AKAP6: variants seen among roughly 807,000 people sequenced by gnomAD.
AKAP6 encodes the protein A-kinase anchor protein 6.
In AKAP6, 58 loss-of-function variants were observed where a neutral mutation model predicts 188.5. The ratio of observed to expected loss-of-function variants is 0.31; its 90% CI spans 0.25 to 0.38. The LOEUF is 0.38. Ranked by LOEUF, AKAP6 falls within the 10% of genes least tolerant of loss-of-function variation. AKAP6 has a pLI of 1.00. For missense variants in AKAP6, 2,710 were observed against 2,740.0 expected, an observed-to-expected ratio of 0.99 and a Z score of 0.24; for synonymous variants, 989 against 998.6, an observed-to-expected ratio of 0.99 and a Z score of 0.18.
chr14:32,406,419 A>AGG (rs1379418497), intron 1 of AKAP6, among the ~76,000 whole-genome samples: 1 of 152,140 alleles, frequency 6.6e-6, no homozygotes, highest in African/African-American at 2.4e-5. Flanking sequence ...TATGTTGGCC[A>AGG]GGCTGGTCTT....
At chr14:32,712,918 C>A (rs2029975397) in intron 9 of AKAP6, among the ~76,000 whole-genome samples, 1 of 151,988 alleles carries the variant, frequency 6.6e-6, no homozygotes. Flanking sequence ...AATGGTGAAG[C>A]CTTTTCAGAA....
chr14:32,591,966 T>C (rs563636574), intron 5 of AKAP6, among the ~76,000 whole-genome samples: 1 of 152,338 alleles, frequency 6.6e-6, no homozygotes, highest in South Asian at 2.1e-4. Context: ...TACATGGCAA[T>C]TACGCTGGGA....
At chr14:32,682,995 C>G (rs78725474) in intron 8 of AKAP6, among the ~76,000 whole-genome samples, 2 of 142,250 alleles carry the variant, frequency 1.4e-5, no homozygotes, top group Non-Finnish European at 1.5e-5. Flanking sequence ...TTTTTTCTTC[C>G]TTTTTTTTTT....
intron 7 of AKAP6, among the ~76,000 whole-genome samples, chr14:32,670,428 C>T (rs1889132455): frequency 6.6e-6 from 1 of 151,936 alleles, no homozygotes; most frequent in Non-Finnish European, 1.5e-5. Flanking sequence ...GGACTAGTTG[C>T]TAAAGGGGAT....
intron 2 of AKAP6, among the ~76,000 whole-genome samples, chr14:32,449,592 A>G (rs1566508929): frequency 6.6e-6 from 1 of 152,004 alleles, no homozygotes; most frequent in African/African-American, 2.4e-5. Flanking sequence ...TTGATGGAGA[A>G]GACAGCTCTG....
intron 12 of AKAP6, among the ~76,000 whole-genome samples, chr14:32,798,477 G>T (rs1172695826): frequency 6.6e-6 from 1 of 152,092 alleles, no homozygotes; most frequent in Admixed American, 6.6e-5. Flanking sequence ...CAACCTGAAT[G>T]CCCATCAACA....
intron 12 of AKAP6, among the ~76,000 whole-genome samples, chr14:32,791,680 C>T (rs928529944): frequency 6.6e-6 from 1 of 151,920 alleles, no homozygotes; most frequent in African/African-American, 2.4e-5. Context: ...GTGTTTTAGT[C>T]AGGAAGTCTT....
Position 32,501,835 on chromosome 14 carries a change from C to G in AKAP6, c.325-33719C>G, listed in dbSNP as rs191279035. 3.9e-5 allele frequency among the ~76,000 whole-genome samples: 6 copies of G among 152,222 alleles called. No individual in the cohort carries two copies. In the East Asian group the frequency reaches 9.6e-4, roughly 24 times the overall value. ...TCTGTGCATGTAGATGCAGCTCTTG[C>G]AGTAAACCTATGTCTTCAATATTTT... On this transcript the variant is annotated intron_variant, in intron 2 of 13. Transcript: ENST00000280979.
At chr14:32,817,856 A>C (rs2034427190) in intron 12 of AKAP6, among the ~76,000 whole-genome samples, 2 of 152,202 alleles carry the variant, frequency 1.3e-5, no homozygotes. Flanking sequence ...CATCAAAGAG[A>C]GCATTCAACC....
chr14:32,689,994 A>G lies in AKAP6; in HGVS notation c.2880-5996A>G, dbSNP rs1028172376. ...TCCCAATATAGACAGGTGGTATTTC[A>G]GGAACCAGTCTGGTGTTTTTAGATG... On this transcript the variant is annotated intron_variant, in intron 8 of 13. Transcript: ENST00000280979. Among the ~76,000 whole-genome samples the G allele has an allele frequency of 2.0e-5, 3 of 151,616 alleles. No individual in the cohort carries two copies. In the South Asian group the frequency reaches 6.3e-4, roughly 32 times the overall value.
At chr14:32,525,039 C>G (rs1163305103) in intron 2 of AKAP6, among the ~76,000 whole-genome samples, 1 of 152,142 alleles carries the variant, frequency 6.6e-6, no homozygotes, top group East Asian at 1.9e-4. Context: ...ATGAAGATGT[C>G]TTGGGGAAGG....
Position 32,830,269 on chromosome 14 carries a change from G to A in AKAP6, c.*464G>A. On this transcript the variant is annotated 3_prime_UTR_variant, in exon 14 of 14. Coordinates refer to ENST00000280979, the MANE Select transcript of AKAP6 (RefSeq NM_004274.5). ...CTGGATTTTTTTTTAACGGTATAAT[G>A]ACTGTGTTTATTGAAAGAGTTTTAC... 1 of 287,648 alleles carries A rather than the reference G, an allele frequency of 3.5e-6. No individual in the cohort carries two copies. 17.8% of individuals were successfully genotyped at this position (287,648 alleles called of 1,614,324 possible). A position where few individuals can be genotyped will look rare whatever the true frequency, so the allele number is the denominator to read the frequency against.
intron 12 of AKAP6, among the ~76,000 whole-genome samples, chr14:32,776,526 T>C (rs1172455615): frequency 6.6e-6 from 1 of 152,194 alleles, no homozygotes; most frequent in Admixed American, 6.5e-5. Context: ...TTATCAGCAG[T>C]GTGAAAACAG....
intron 2 of AKAP6, among the ~76,000 whole-genome samples, chr14:32,454,097 A>G (rs909322840): frequency 6.6e-6 from 1 of 152,150 alleles, no homozygotes; most frequent in Non-Finnish European, 1.5e-5. Flanking sequence ...GTTATGCAGG[A>G]GATTTCAGTC....
At chr14:32,775,279 A>G (rs1311914127) in intron 12 of AKAP6, among the ~76,000 whole-genome samples, 2 of 151,464 alleles carry the variant, frequency 1.3e-5, no homozygotes, top group African/African-American at 4.9e-5. Context: ...GATATATGCA[A>G]AAATCAACTG....
chr14:32,758,249 A>G (rs1380997245), intron 11 of AKAP6, among the ~76,000 whole-genome samples: 1 of 152,186 alleles, frequency 6.6e-6, no homozygotes, highest in African/African-American at 2.4e-5. Flanking sequence ...GATAAATTAA[A>G]TGACTCACCC....
chr14:32,439,558 G>A (rs1198123757), intron 2 of AKAP6, among the ~76,000 whole-genome samples: 1 of 151,728 alleles, frequency 6.6e-6, no homozygotes, highest in Non-Finnish European at 1.5e-5. Context: ...AGGTGCAAAA[G>A]GGAAGGATTA....
chr14:32,512,040 A>G (rs1881288904), intron 2 of AKAP6, among the ~76,000 whole-genome samples: 1 of 151,996 alleles, frequency 6.6e-6, no homozygotes, highest in Non-Finnish European at 1.5e-5. Flanking sequence ...TACTTACTTT[A>G]CTTGTTAATT....
intron 2 of AKAP6, among the ~76,000 whole-genome samples, chr14:32,452,011 A>ATTT (rs61035125): frequency 3.6e-4 from 24 of 66,204 alleles, no homozygotes; most frequent in East Asian, 4.9e-4. Flanking sequence ...TTTTCTTTAC[A>ATTT]TTTTTTTTTT....
Sources: gnomAD v4.1 joint callset for allele counts (sites outside exome capture counted in the v4.1 genomes callset) on GRCh38, gnomAD v4.1.1 for gene constraint, MANE v1.5 for transcripts, NCBI Gene and HGNC (gene_info 2026-07-23, HGNC 2026-07-21) for gene names.